The following HHAT variants were observed in gnomAD, a reference collection of about 807,000 sequenced individuals.
The protein encoded by HHAT is hedgehog acyltransferase.
HHAT carries 47 observed loss-of-function variants against 70.8 expected under a neutral mutation model. The observed-to-expected ratio is 0.66, with a 90% CI of 0.53 to 0.85. HHAT has a LOEUF of 0.85. Among genes scored for constraint, HHAT ranks in the 40% least tolerant of loss-of-function variants. The pLI is 0.00. For missense variants in HHAT, 609 were observed against 604.8 expected (o/e 1.01, Z -0.07); for synonymous variants, 228 against 247.6 (o/e 0.92, Z 0.74).
chr1:210,492,980 C>G (rs2094574588), intron 8 of HHAT, among the ~76,000 whole-genome samples: 1 of 152,018 alleles, frequency 6.6e-6, no homozygotes. Context: ...TCCCTTTTCC[C>G]TTTTCAGCCT....
chr1:210,665,629 G>A (rs1233241713), intron 11 of HHAT, among the ~76,000 whole-genome samples: 1 of 152,178 alleles, frequency 6.6e-6, no homozygotes, highest in East Asian at 1.9e-4. Context: ...GGAAGTTAAG[G>A]CAGTATTAAT....
chr1:210,454,014 GGAA>G (rs1284027099), intron 7 of HHAT, among the ~76,000 whole-genome samples: 1 of 152,166 alleles, frequency 6.6e-6, no homozygotes, highest in African/African-American at 2.4e-5. Context: ...AGAGAAATGA[GGAA>G]GAAGCAAAAG....
At chr1:210,493,891 GGTT>G (rs1250515981) in intron 8 of HHAT, among the ~76,000 whole-genome samples, 1 of 152,134 alleles carries the variant, frequency 6.6e-6, no homozygotes, top group Non-Finnish European at 1.5e-5. Flanking sequence ...ACCTCAGCCT[GGTT>G]GTTATCATCA....
chr1:210,577,709 G>T (rs1241787249), intron 9 of HHAT, among the ~76,000 whole-genome samples: 1 of 131,298 alleles, frequency 7.6e-6, no homozygotes, highest in Non-Finnish European at 1.5e-5. Flanking sequence ...GTACAGTAGT[G>T]CAATCTCAGC....
chr1:210,534,271 C>CT (rs1553259912), intron 9 of HHAT, among the ~76,000 whole-genome samples: 1 of 152,150 alleles, frequency 6.6e-6, no homozygotes, highest in Non-Finnish European at 1.5e-5. Flanking sequence ...TACTGTGTCA[C>CT]TGCACTGCTA....
chr1:210,538,686 TA>T (rs1412861515), intron 9 of HHAT, among the ~76,000 whole-genome samples: 1 of 152,136 alleles, frequency 6.6e-6, no homozygotes, highest in East Asian at 1.9e-4. Flanking sequence ...GAGATAACTG[TA>T]AAACCTGAAC....
chr1:210,353,431 C>T (rs1046072786), intron 2 of HHAT, among the ~76,000 whole-genome samples: 7 of 102,872 alleles, frequency 6.8e-5, no homozygotes, highest in African/African-American at 1.9e-4. Flanking sequence ...AAGGAAGTCA[C>T]CTGTTTTTTT....
chr1:210,494,940 A>T (rs575673347), intron 8 of HHAT, among the ~76,000 whole-genome samples: 1 of 152,060 alleles, frequency 6.6e-6, no homozygotes, highest in African/African-American at 2.4e-5. Flanking sequence ...CTGAGCTGGG[A>T]CTCCCAATTT....
At chr1:210,401,521 C>A (rs1374526947) in intron 5 of HHAT, among the ~76,000 whole-genome samples, 1 of 152,216 alleles carries the variant, frequency 6.6e-6, no homozygotes, top group Non-Finnish European at 1.5e-5. Context: ...GCTTTCATTT[C>A]TGTAAACCCA....
chr1:210,374,094 T>C (rs777448186), intron 3 of HHAT: 3 of 151,966 alleles, frequency 2.0e-5, no homozygotes, highest in Non-Finnish European at 2.9e-5. Context: ...AATGAATCAC[T>C]TAAGCCTAAA....
chr1:210,354,152 A>T (rs2087351314), intron 2 of HHAT, among the ~76,000 whole-genome samples: 1 of 149,164 alleles, frequency 6.7e-6, no homozygotes, highest in African/African-American at 2.5e-5. Flanking sequence ...ATTTTAGTAT[A>T]TGATGTGATA....
chr1:210,374,186 A>T (rs1010337415), intron 3 of HHAT: 1 of 152,214 alleles, frequency 6.6e-6, no homozygotes, highest in Non-Finnish European at 1.5e-5. Flanking sequence ...ACAAAAAATT[A>T]GCTTATAACT....
intron 9 of HHAT, among the ~76,000 whole-genome samples, chr1:210,521,012 C>T (rs2095148881): frequency 6.6e-6 from 1 of 152,148 alleles, no homozygotes; most frequent in Non-Finnish European, 1.5e-5. Context: ...GGCAGTGAAC[C>T]TCTGGCATGG....
intron 8 of HHAT, among the ~76,000 whole-genome samples, chr1:210,490,462 C>T (rs1459869328): frequency 6.6e-6 from 1 of 152,106 alleles, no homozygotes; most frequent in Non-Finnish European, 1.5e-5. Context: ...GACTTGGTTC[C>T]TGGGAGAATT....
chr1:210,675,826 A>C lies in HHAT; in HGVS notation c.*1447A>C, dbSNP rs1159160776. On this transcript the variant is annotated 3_prime_UTR_variant, in exon 12 of 12. Coordinates refer to ENST00000261458, the MANE Select transcript of HHAT (RefSeq NM_018194.6). Reference sequence around the variant, plus strand: ...ACAGAGGCCAGAGAGGGGCAGGTAGACCTGCATAGCAGCAGCCTCAGCAGC... The same window carrying C: ...ACAGAGGCCAGAGAGGGGCAGGTAGCCCTGCATAGCAGCAGCCTCAGCAGC... The C allele has an allele frequency of 1.3e-5, 2 of 152,272 alleles. No homozygotes were observed. The highest frequency in any genetic ancestry group is 4.8e-5 in the African/African-American group (2 of 41,462). 9.4% of individuals were successfully genotyped at this position (152,272 alleles called of 1,614,324 possible).
chr1:210,366,355 G>A (rs2088966849), intron 3 of HHAT, among the ~76,000 whole-genome samples: 1 of 152,170 alleles, frequency 6.6e-6, no homozygotes, highest in Admixed American at 6.5e-5. Context: ...AAGTGGGCTG[G>A]GTGTGGTGGC....
intron 11 of HHAT, among the ~76,000 whole-genome samples, chr1:210,656,296 C>T (rs868693908): frequency 1.3e-4 from 19 of 151,454 alleles, no homozygotes; most frequent in African/African-American, 4.1e-4. Flanking sequence ...GAGGAAGTGG[C>T]GGCTGTGTGA....
At chr1:210,414,870 T>C (rs2092673382) in intron 6 of HHAT, among the ~76,000 whole-genome samples, 1 of 151,932 alleles carries the variant, frequency 6.6e-6, no homozygotes, top group African/African-American at 2.4e-5. Context: ...ATACAAAAAA[T>C]AGCCAGGTGT....
intron 8 of HHAT, among the ~76,000 whole-genome samples, chr1:210,504,830 A>T (rs1572895854): frequency 1.3e-5 from 2 of 151,752 alleles, no homozygotes; most frequent in African/African-American, 4.8e-5. Context: ...GCCAACTGGG[A>T]TCATGCTAGT....
Sources: gnomAD v4.1 joint callset for allele counts (sites outside exome capture counted in the v4.1 genomes callset) on GRCh38, gnomAD v4.1.1 for gene constraint, MANE v1.5 for transcripts, NCBI Gene and HGNC (gene_info 2026-07-23, HGNC 2026-07-21) for gene names.